Variants in EEF2K observed in about 807,000 individuals in gnomAD.
The protein encoded by EEF2K is eukaryotic elongation factor 2 kinase, also known as alternative protein EEF2K.
EEF2K carries 70 observed loss-of-function variants against 93.8 expected under a neutral mutation model. The observed-to-expected ratio is 0.75, with a 90% CI of 0.62 to 0.91. The LOEUF is 0.91. EEF2K is among the 40% of genes least tolerant of loss of function. The pLI, the probability that EEF2K is intolerant of heterozygous loss-of-function variation, is 0.00. For synonymous variants in EEF2K, 376 were observed against 380.8 expected (o/e 0.99, Z 0.15); for missense variants, 935 against 972.9 (o/e 0.96, Z 0.52).
At chr16:22,278,022 T>C (rs1448092606) in intron 16 of EEF2K, among the ~76,000 whole-genome samples, 1 of 152,050 alleles carries the variant, frequency 6.6e-6, no homozygotes, top group Non-Finnish European at 1.5e-5. Flanking sequence ...TTGGGCAACC[T>C]GGTAAGAGTG....
intron 2 of EEF2K, among the ~76,000 whole-genome samples, chr16:22,239,358 T>C (rs2047198820): frequency 6.6e-6 from 1 of 151,940 alleles, no homozygotes; most frequent in African/African-American, 2.4e-5. Context: ...TGTCAGAGAA[T>C]TGTGTGTCGT....
chr16:22,234,532 G>T (rs2047147384), intron 2 of EEF2K, among the ~76,000 whole-genome samples: 1 of 150,132 alleles, frequency 6.7e-6, no homozygotes, highest in Non-Finnish European at 1.5e-5. Flanking sequence ...ACTCCAGCCT[G>T]GGCAACAGGA....
At chr16:22,206,907 A>G (rs891019057) in intron 1 of EEF2K, among the ~76,000 whole-genome samples, 3 of 152,132 alleles carry the variant, frequency 2.0e-5, no homozygotes, top group Admixed American at 1.3e-4. Flanking sequence ...ATTAAAGGCG[A>G]TGTGGATATG....
rs1159806428 is a variant in EEF2K, at chr16:22,260,597, GA to G, written c.1299+69del. The G allele has an allele frequency of 3.1e-6, 5 of 1,592,634 alleles. No individual in the cohort carries two copies. In the East Asian group the frequency reaches 1.1e-4, roughly 36 times the overall value. ...AGGGGTAGGAGTGGATTCACTCCCA[GA>G]GTGAATCTTCAGCTTCGGAGGTGGG... On this transcript the variant is annotated intron_variant, in intron 11 of 17. Transcript: ENST00000263026.
intron 1 of EEF2K, among the ~76,000 whole-genome samples, chr16:22,211,683 G>A (rs755417638): frequency 2.6e-5 from 4 of 151,916 alleles, no homozygotes; most frequent in South Asian, 2.1e-4. Context: ...GGCTGGTCTC[G>A]AACTCCTGGC....
In EEF2K at chr16:22,235,219, A is replaced by T. The variant is rs1375122941; in HGVS notation, c.246+9244A>T. ...ACAGAGCAAGACTGTGTCTCAAAAA[A>T]AAAAAAGTGCAGATATTTTGCTATT... On this transcript the variant is annotated intron_variant, in intron 2 of 17. Coordinates refer to ENST00000263026, the MANE Select transcript of EEF2K (RefSeq NM_013302.5). Among the ~76,000 whole-genome samples the T allele has an allele frequency of 2.0e-5, 3 of 152,062 alleles. No homozygotes were observed. The South Asian group carries it at 6.2e-4, about 31-fold the overall frequency.
chr16:22,238,802 G>A (rs2047194141), intron 2 of EEF2K, among the ~76,000 whole-genome samples: 1 of 151,898 alleles, frequency 6.6e-6, no homozygotes. Context: ...GGCTCTCAAA[G>A]ATGGCAGTAC....
intron 2 of EEF2K, among the ~76,000 whole-genome samples, chr16:22,242,630 T>TA: frequency 6.6e-6 from 1 of 152,028 alleles, no homozygotes; most frequent in East Asian, 1.9e-4. Flanking sequence ...TAGGTTTTGA[T>TA]AGATTTGGGA....
chr16:22,252,557 A>T (rs1386277608), intron 6 of EEF2K, among the ~76,000 whole-genome samples: 1 of 152,216 alleles, frequency 6.6e-6, no homozygotes, highest in African/African-American at 2.4e-5. Context: ...CACCCTAGCC[A>T]TGTGCCTGCC....
Position 22,218,936 on chromosome 16 carries a change from TA to T in EEF2K, c.-76-6701del, listed in dbSNP as rs11370005. On this transcript the variant is annotated intron_variant, in intron 1 of 17. Coordinates refer to ENST00000263026, the MANE Select transcript of EEF2K (RefSeq NM_013302.5). ...AGGGCAGGAGTTCAAACAAAAAAAT[TA>T]AAAAAAAAAAAAAAAAGAGAAAAAA... Among the ~76,000 whole-genome samples the T allele has an allele frequency of 3.1e-3, 346 of 111,876 alleles. 1 individual carries two copies. The highest frequency in any genetic ancestry group is 4.5e-3 in the Middle Eastern group (1 of 220). The allele number at this position is 111,876 out of a possible 152,430, so 73.4% of individuals were successfully genotyped here.
At chr16:22,257,960 G>A (rs542901277) in intron 9 of EEF2K, among the ~76,000 whole-genome samples, 190 bp downstream of exon 9, 6 of 152,286 alleles carry the variant, frequency 3.9e-5, no homozygotes, top group South Asian at 2.1e-4. Context: ...CCTCCTGAGC[G>A]TCCTTCCAAT....
chr16:22,283,308 C>CAAAA (rs10540234), intron 17 of EEF2K, among the ~76,000 whole-genome samples: 35 of 75,758 alleles, frequency 4.6e-4, no homozygotes, highest in Non-Finnish European at 7.9e-4. Context: ...GACTCCATCT[C>CAAAA]AAAAAAAAAA....
intron 1 of EEF2K, among the ~76,000 whole-genome samples, chr16:22,221,664 T>C (rs1272290941): frequency 6.6e-6 from 1 of 152,082 alleles, no homozygotes; most frequent in Non-Finnish European, 1.5e-5. Context: ...GTCAAAAAAA[T>C]TGGAATTATT....
chr16:22,244,817 G>A (rs1415621414), intron 3 of EEF2K, 87 bp downstream of exon 3: 1 of 1,375,956 alleles, frequency 7.3e-7, no homozygotes, highest in African/African-American at 1.4e-5. Flanking sequence ...AGTACTCTTG[G>A]GGGTCAGGGG....
chr16:22,266,331 G>A (rs1378706259), intron 13 of EEF2K, 59 bp from the exon 14 acceptor site: 1 of 1,564,258 alleles, frequency 6.4e-7, no homozygotes, highest in East Asian at 2.3e-5. Flanking sequence ...GCTGCTGACA[G>A]CTGTGATGCT....
chr16:22,266,245 A>C, intron 13 of EEF2K, 145 bp from the exon 14 acceptor site: 1 of 1,242,592 alleles, frequency 8.0e-7, no homozygotes. Context: ...AATTGGAGCC[A>C]TGTTTTGCCA....
intron 4 of EEF2K, among the ~76,000 whole-genome samples, chr16:22,250,036 C>T (rs1426893644): frequency 2.6e-5 from 4 of 152,032 alleles, no homozygotes; most frequent in Non-Finnish European, 2.9e-5. Context: ...CCCACCTCAG[C>T]CTCCTAAAGT....
At chr16:22,219,212 T>C (rs1482374577) in intron 1 of EEF2K, among the ~76,000 whole-genome samples, 1 of 152,116 alleles carries the variant, frequency 6.6e-6, no homozygotes, top group Non-Finnish European at 1.5e-5. Context: ...TTTGGGGAAA[T>C]CCAACATCCT....
At chr16:22,248,874 C>G (rs1170329140) in intron 4 of EEF2K, 59 bp downstream of exon 4, 5 of 1,580,484 alleles carry the variant, frequency 3.2e-6, no homozygotes, top group East Asian at 2.3e-5. Flanking sequence ...CTGCAGCTAA[C>G]TTTGGTCTGT....
Sources: allele counts gnomAD v4.1 joint callset (sites outside exome capture counted in the v4.1 genomes callset), GRCh38; gene constraint gnomAD v4.1.1; transcripts MANE v1.5; gene names NCBI Gene and HGNC (gene_info 2026-07-23, HGNC 2026-07-21).